FPR2: variants seen among roughly 807,000 people sequenced by gnomAD.
The protein encoded by FPR2 is N-formyl peptide receptor 2.
A neutral mutation model predicts 4.0 loss-of-function variants in FPR2; 3 were observed. The ratio of observed to expected loss-of-function variants is 0.74; its 90% CI spans 0.34 to 1.92. The LOEUF (loss-of-function observed/expected upper bound fraction) is 1.92. FPR2 is among the 30% of genes most tolerant of loss of function. The probability of loss-of-function intolerance (pLI) is 0.07; values close to 1 mark genes in which losing one functional copy is unlikely to be tolerated. For synonymous variants in FPR2, 179 were observed against 171.5 expected (o/e 1.04, Z -0.34); for missense variants, 372 against 435.7 (o/e 0.85, Z 1.30).
chr19:51,765,289 G>C (rs11084115), intron 1 of FPR2, among the ~76,000 whole-genome samples: 6,646 of 152,218 alleles, frequency 0.044, 459 homozygotes, highest in African/African-American at 0.15. Context: ...ATCTGGCTGA[G>C]CTCCAATTCT....
At position 51,768,787 on chromosome 19, in the gene FPR2, C is replaced by T. The variant is rs372204077; in HGVS notation, c.129C>T (p.Gly43=). Residue 43 remains glycine (G), a synonymous_variant, in exon 2 of 2, where the codon GGC becomes GGT. Coordinates refer to ENST00000340023, the MANE Select transcript of FPR2 (RefSeq NM_001005738.2). ...LGVTFVLGVL[G]NGLVIWVAGF... The stretch of plus-strand genomic sequence containing the variant: ...TCACCTTTGTCCTCGGGGTCCTGGG[C>T]AATGGGCTTGTGATCTGGGTGGCTG... The T allele has an allele frequency of 2.2e-5, 36 of 1,614,012 alleles. No individual in the cohort carries two copies. Among genetic ancestry groups the T allele is most frequent in the Non-Finnish European group, 2.8e-5 (33 of 1,180,040 alleles).
rs1210490013 is a variant in FPR2, at chr19:51,770,449, G to A, written c.*735G>A. The A allele has an allele frequency of 6.0e-6, 1 of 166,994 alleles. No individual in the cohort carries two copies. Among genetic ancestry groups the A allele is most frequent in the South Asian group, 2.1e-4 (1 of 4,826 alleles). The allele number at this position is 166,994 out of a possible 1,614,324, so 10.3% of individuals were successfully genotyped here. ...GAAACTTGTAATGGTCTCTGAAAAG[G>A]AATTGAGAAGTAATTCCTCTGATTC... On this transcript the variant is annotated 3_prime_UTR_variant, in exon 2 of 2. Coordinates refer to ENST00000340023, the MANE Select transcript of FPR2 (RefSeq NM_001005738.2).
At position 51,769,488 on chromosome 19, in the gene FPR2, A is replaced by G; in HGVS notation, c.830A>G (p.Tyr277Cys). ...WLKEMLFYGK[Y>C]KIIDILVNPT... The stretch of plus-strand genomic sequence containing the variant: ...AAAGAGATGTTGTTCTATGGCAAGT[A>G]CAAAATCATTGACATCCTGGTTAAC... Residue 277 changes from tyrosine to cysteine, a missense_variant, in exon 2 of 2, where the codon TAC (tyrosine) becomes TGC (cysteine). By Grantham distance (194) the Tyr-to-Cys change is radical (BLOSUM62 -2). Transcript: ENST00000340023. This position sits in a 1 kb window ranked among gnomAD's most constrained non-coding sequence, Gnocchi z 4.4. The G allele has an allele frequency of 6.2e-7, 1 of 1,614,188 alleles. No homozygotes were observed.
chr19:51,769,610 C>A lies in FPR2; in HGVS notation c.952C>A (p.Pro318Thr). 6.2e-7 allele frequency: 1 copy of A among 1,614,182 alleles called. No homozygotes were observed. The highest frequency in any genetic ancestry group is 8.5e-7 in the Non-Finnish European group (1 of 1,180,024). ...DFRERLIHSL[P>T]TSLERALSED... ...CCGAGAGAGACTGATCCACTCCCTG[C>A]CCACCAGTCTGGAGAGGGCCCTGTC... Residue 318 changes from proline (P) to threonine (T), a missense_variant, in exon 2 of 2, where the codon CCC becomes ACC. Transcript: ENST00000340023. This position sits in a 1 kb window ranked among gnomAD's most constrained non-coding sequence, Gnocchi z 4.4.
chr19:51,767,325 T>C (rs1011368213), intron 1 of FPR2, among the ~76,000 whole-genome samples: 1 of 152,174 alleles, frequency 6.6e-6, no homozygotes, highest in African/African-American at 2.4e-5. Flanking sequence ...GATACAAATA[T>C]TACAGATGTG....
chr19:51,764,355 G>A (rs182005430), intron 1 of FPR2, among the ~76,000 whole-genome samples: 13 of 152,280 alleles, frequency 8.5e-5, no homozygotes, highest in Non-Finnish European at 1.6e-4. Flanking sequence ...TCATTATAAT[G>A]TCAGTCAAGG....
At position 51,769,767 on chromosome 19, in the gene FPR2, C is replaced by G; in HGVS notation, c.*53C>G. 2.8e-6 allele frequency: 4 copies of G among 1,444,016 alleles called. No individual in the cohort carries two copies. Among genetic ancestry groups the G allele is most frequent in the Non-Finnish European group, 2.9e-6 (3 of 1,035,308 alleles). The allele number at this position is 1,444,016 out of a possible 1,614,324, so 89.5% of individuals were successfully genotyped here. ...TGTTCATCCTACCCTAATGCCAGTT[C>G]CAGCTTCATCTACCCTTGAGTCATA... On this transcript the variant is annotated 3_prime_UTR_variant, in exon 2 of 2. Transcript: ENST00000340023. This position sits in a 1 kb window ranked among gnomAD's most constrained non-coding sequence, Gnocchi z 4.4.
Position 51,769,352 on chromosome 19 carries a change from G to A in FPR2, c.694G>A (p.Gly232Ser), listed in dbSNP as rs1408592049. 1.2e-6 allele frequency: 2 copies of A among 1,614,058 alleles called. No homozygotes were observed. The highest frequency in any genetic ancestry group is 2.2e-5 in the East Asian group (1 of 44,900). Residue 232 changes from glycine to serine, a missense_variant, in exon 2 of 2, where the codon GGC becomes AGC. By Grantham distance (56) the Gly-to-Ser change is moderately conservative. Transcript: ENST00000340023. This position sits in a 1 kb window ranked among gnomAD's most constrained non-coding sequence, Gnocchi z 4.4. The part of the protein sequence containing the change: ...GLIAAKIHKK[G>S]MIKSSRPLRV... ...CATTGCAGCCAAGATCCACAAAAAG[G>A]GCATGATTAAATCCAGCCGTCCCTT...
chr19:51,769,503 T>C lies in FPR2; in HGVS notation c.845T>C (p.Ile282Thr), dbSNP rs1321789446. The C allele has an allele frequency of 5.0e-6, 8 of 1,614,070 alleles. No individual in the cohort carries two copies. Among genetic ancestry groups the C allele is most frequent in the Non-Finnish European group, 6.8e-6 (8 of 1,180,044 alleles). ...LFYGKYKIID[I>T]LVNPTSSLAF... The stretch of plus-strand genomic sequence containing the variant: ...TATGGCAAGTACAAAATCATTGACA[T>C]CCTGGTTAACCCAACGAGCTCCCTG... The change falls in exon 2 of 2, where the codon ATC (isoleucine) becomes ACC (threonine). Residue 282 changes from isoleucine to threonine, a missense_variant. Transcript: ENST00000340023. This position sits in a 1 kb window ranked among gnomAD's most constrained non-coding sequence, Gnocchi z 4.4.
intron 1 of FPR2, among the ~76,000 whole-genome samples, chr19:51,766,936 A>G (rs1333060651): frequency 2.6e-5 from 4 of 152,140 alleles, no homozygotes; most frequent in Non-Finnish European, 4.4e-5. Flanking sequence ...ATTGTTTTTC[A>G]TTTTTATTAT....
chr19:51,762,144 G>A (rs566907312), intron 1 of FPR2, among the ~76,000 whole-genome samples: 1 of 149,660 alleles, frequency 6.7e-6, no homozygotes, highest in Non-Finnish European at 1.5e-5. Flanking sequence ...GAAGTGCAGT[G>A]GCGCAGTCTC....
At chr19:51,768,341 T>A (rs1461798475) in intron 1 of FPR2, 1 of 252,040 alleles carries the variant, frequency 4.0e-6, no homozygotes, top group Non-Finnish European at 7.7e-6. Flanking sequence ...AGGCTGCCTA[T>A]GCTCAATTTT....
rs1386316623 is a variant in FPR2, at chr19:51,769,936, G to A, written c.*222G>A. ...TTTTTGACTTCTGCCTATACCCTGG[G>A]GTAAGTGGAGTTGGGAAATACAAGA... On this transcript the variant is annotated 3_prime_UTR_variant, in exon 2 of 2. Coordinates refer to ENST00000340023, the MANE Select transcript of FPR2 (RefSeq NM_001005738.2). The surrounding 1 kb of genome is among the most constrained non-coding windows in gnomAD (Gnocchi z 4.4). 3 of 537,396 alleles carry A rather than the reference G, an allele frequency of 5.6e-6. No homozygotes were observed. Among genetic ancestry groups the A allele is most frequent in the Non-Finnish European group, 1.0e-5 (3 of 292,478 alleles). 33.3% of individuals were successfully genotyped at this position (537,396 alleles called of 1,614,324 possible). A position where few individuals can be genotyped will look rare whatever the true frequency, so the allele number is the denominator to read the frequency against.
At position 51,769,739 on chromosome 19, in the gene FPR2, T is replaced by C; in HGVS notation, c.*25T>C. The C allele has an allele frequency of 1.3e-6, 2 of 1,595,374 alleles. No individual in the cohort carries two copies. The highest frequency in any genetic ancestry group is 1.7e-6 in the Non-Finnish European group (2 of 1,164,168). On this transcript the variant is annotated 3_prime_UTR_variant, in exon 2 of 2. Transcript: ENST00000340023. This position sits in a 1 kb window ranked among gnomAD's most constrained non-coding sequence, Gnocchi z 4.4. ...AGGATGGGGTCAGGGATATTTTGAG[T>C]TCTGTTCATCCTACCCTAATGCCAG...
chr19:51,766,069 G>A (rs2083866752), intron 1 of FPR2, among the ~76,000 whole-genome samples: 1 of 152,156 alleles, frequency 6.6e-6, no homozygotes, highest in Admixed American at 6.5e-5. Context: ...GCAAGTGCAT[G>A]CCACCAGGCC....
chr19:51,769,212 G>A lies in FPR2; in HGVS notation c.554G>A (p.Gly185Asp). 5 of 1,614,132 alleles carry A rather than the reference G, an allele frequency of 3.1e-6. No homozygotes were observed. Among genetic ancestry groups the A allele is most frequent in the Non-Finnish European group, 4.2e-6 (5 of 1,180,024 alleles). The stretch of plus-strand genomic sequence containing the variant: ...ACTTTCAACTTTGCATCCTGGGGTG[G>A]CACCCCTGAGGAGAGGCTGAAGGTG... ...YCTFNFASWG[G>D]TPEERLKVAI... Residue 185 changes from glycine (G) to aspartate (D), a missense_variant, in exon 2 of 2, where the codon GGC becomes GAC. Transcript: ENST00000340023. The surrounding 1 kb of genome is among the most constrained non-coding windows in gnomAD (Gnocchi z 4.4).
chr19:51,761,530 T>C (rs2083838254), intron 1 of FPR2, among the ~76,000 whole-genome samples: 1 of 152,222 alleles, frequency 6.6e-6, no homozygotes, highest in Non-Finnish European at 1.5e-5. Context: ...TATAATTAAT[T>C]TCTCCCAATG....
In FPR2 at chr19:51,769,440, C is replaced by T; in HGVS notation, c.782C>T (p.Ala261Val). The T allele has an allele frequency of 1.2e-6, 2 of 1,614,226 alleles. No homozygotes were observed. The highest frequency in any genetic ancestry group is 2.2e-5 in the South Asian group (2 of 91,084). Residue 261 changes from alanine to valine, a missense_variant, in exon 2 of 2, where the codon GCC becomes GTC. Ala to Val is a moderately conservative substitution (Grantham distance 64). Coordinates refer to ENST00000340023, the MANE Select transcript of FPR2 (RefSeq NM_001005738.2). This position sits in a 1 kb window ranked among gnomAD's most constrained non-coding sequence, Gnocchi z 4.4. ...FICWFPFQLV[A>V]LLGTVWLKEM... ...TGTTGGTTTCCCTTTCAACTGGTTG[C>T]CCTTCTGGGCACCGTCTGGCTCAAA...
chr19:51,763,820 C>T (rs1224828467), intron 1 of FPR2, among the ~76,000 whole-genome samples: 1 of 152,078 alleles, frequency 6.6e-6, no homozygotes, highest in Non-Finnish European at 1.5e-5. Flanking sequence ...TGCAGTGGTG[C>T]GATCTCAGCT....
Sources: gnomAD v4.1 joint callset for allele counts (sites outside exome capture counted in the v4.1 genomes callset) on GRCh38, gnomAD v4.1.1 for gene constraint, Gnocchi (gnomAD v3.1) non-coding constraint, MANE v1.5 for transcripts, NCBI Gene and HGNC (gene_info 2026-07-23, HGNC 2026-07-21) for gene names.